The following KLHL8 variants were observed in gnomAD, a reference collection of about 807,000 sequenced individuals.
KLHL8 encodes kelch like family member 8.
In KLHL8, 38 loss-of-function variants were observed where a neutral mutation model predicts 63.5. The ratio of observed to expected loss-of-function variants is 0.60; its 90% CI spans 0.46 to 0.78. The LOEUF (loss-of-function observed/expected upper bound fraction) is 0.78. Among genes scored for constraint, KLHL8 ranks in the 30% least tolerant of loss-of-function variants. KLHL8 has a pLI of 0.00. For missense variants in KLHL8, 566 were observed against 752.4 expected (o/e 0.75, Z 2.90); for synonymous variants, 224 against 254.3 (o/e 0.88, Z 1.13).
chr4:87,176,810 C>T lies in KLHL8; in HGVS notation c.1155G>A (p.Met385Ile). ...DGNEHLGSME[M>I]FDPLTNKWMM... ...TCCATTTATTAGTGAGAGGATCAAA[C>T]ATCTCCATACTCCCTAAATGTTCAT... The change falls in exon 6 of 10, where the codon ATG becomes ATA. Residue 385 changes from methionine to isoleucine, a missense_variant. By Grantham distance (10) the Met-to-Ile change is conservative. Coordinates refer to ENST00000273963, the MANE Select transcript of KLHL8 (RefSeq NM_020803.5). The T allele has an allele frequency of 1.9e-6, 3 of 1,609,210 alleles. No homozygotes were observed. The Admixed American group carries it at 5.1e-5, about 27-fold the overall frequency.
At chr4:87,211,992 C>A (rs1421900817) in intron 1 of KLHL8, among the ~76,000 whole-genome samples, 1 of 152,092 alleles carries the variant, frequency 6.6e-6, no homozygotes, top group Non-Finnish European at 1.5e-5. Flanking sequence ...AGTACAGCAA[C>A]ACTGTCTGCT....
At chr4:87,194,546 T>C (rs906234877) in intron 2 of KLHL8, among the ~76,000 whole-genome samples, 15 of 152,184 alleles carry the variant, frequency 9.9e-5, no homozygotes, top group Middle Eastern at 3.2e-3. Flanking sequence ...CGGTGGTGCA[T>C]GCATCTAGTC....
chr4:87,195,417 G>A lies in KLHL8; in HGVS notation c.123C>T (p.Ser41=). The change falls in exon 2 of 10, where the codon TCC becomes TCT. Residue 41 remains serine, a synonymous_variant. Coordinates refer to ENST00000273963, the MANE Select transcript of KLHL8 (RefSeq NM_020803.5). ...AAGCTTCATTTGCTTCAAAAATAAA[G>A]GAATCTTCTCCATCACCATCACTAA... The part of the protein sequence containing the change: ...SSISDGDGED[S]FIFEANEAWK... 6.2e-7 allele frequency: 1 copy of A among 1,613,832 alleles called. No individual in the cohort carries two copies. The highest frequency in any genetic ancestry group is 8.5e-7 in the Non-Finnish European group (1 of 1,179,898).
intron 1 of KLHL8, among the ~76,000 whole-genome samples, chr4:87,200,583 G>A (rs1438712084): frequency 1.3e-5 from 2 of 152,204 alleles, no homozygotes; most frequent in Admixed American, 1.3e-4. Context: ...TCAGGGAGAT[G>A]TAGATCAAAA....
At chr4:87,210,665 G>A (rs1732370019) in intron 1 of KLHL8, among the ~76,000 whole-genome samples, 1 of 151,966 alleles carries the variant, frequency 6.6e-6, no homozygotes, top group African/African-American at 2.4e-5. Context: ...TAACAAAATG[G>A]CAAACCCCAC....
chr4:87,209,979 G>C (rs1434171771), intron 1 of KLHL8, among the ~76,000 whole-genome samples: 2 of 150,656 alleles, frequency 1.3e-5, no homozygotes, highest in East Asian at 3.9e-4. Context: ...TCAGCCTTCT[G>C]AGTAGCTGGG....
chr4:87,168,198 C>A (rs1038975926), intron 8 of KLHL8, among the ~76,000 whole-genome samples: 2 of 152,080 alleles, frequency 1.3e-5, no homozygotes, highest in Non-Finnish European at 2.9e-5. Flanking sequence ...CCCCTTTTCC[C>A]AGCCTGGCAG....
intron 1 of KLHL8, among the ~76,000 whole-genome samples, chr4:87,214,460 A>ATATATATATATATATATATATATAT (rs1732523462): frequency 1.6e-5 from 2 of 126,048 alleles, no homozygotes; most frequent in Non-Finnish European, 3.3e-5. Context: ...ATATATATAT[A>ATATATATATATATATATATATATAT]ATTGTCATCA....
chr4:87,239,076 C>T (rs1733284129), intron 1 of KLHL8, among the ~76,000 whole-genome samples: 1 of 152,154 alleles, frequency 6.6e-6, no homozygotes, highest in African/African-American at 2.4e-5. Context: ...GTCTTCAATA[C>T]AATATATACC....
At chr4:87,225,819 T>C (rs6846760) in intron 1 of KLHL8, among the ~76,000 whole-genome samples, 17,810 of 152,220 alleles carry the variant, frequency 0.12, 1,913 homozygotes, top group African/African-American at 0.27. Context: ...AAATTACTAG[T>C]GCTGGTGACT....
At chr4:87,177,579 T>TA (rs1375437635) in intron 5 of KLHL8, among the ~76,000 whole-genome samples, 1 of 151,630 alleles carries the variant, frequency 6.6e-6, no homozygotes, top group Admixed American at 6.6e-5. Context: ...CACACACACT[T>TA]ACACACATAC....
intron 1 of KLHL8, 157 bp downstream of exon 1, chr4:87,220,261 T>C (rs1732780390): frequency 6.6e-6 from 1 of 152,388 alleles, no homozygotes; most frequent in Non-Finnish European, 1.5e-5. Flanking sequence ...GCACGAGGGC[T>C]CGAATTTCCT....
At chr4:87,206,068 C>T (rs1017581638) in intron 1 of KLHL8, among the ~76,000 whole-genome samples, 1 of 152,220 alleles carries the variant, frequency 6.6e-6, no homozygotes, top group Non-Finnish European at 1.5e-5. Context: ...TACTTCAAAA[C>T]ATGAGCCATA....
rs115666221 is a variant in KLHL8, at chr4:87,231,970, T to A, written n.57+8288A>T. Among the ~76,000 whole-genome samples the A allele has an allele frequency of 6.1e-3, 934 of 152,324 alleles. 14 individuals carry two copies. Among genetic ancestry groups the A allele is most frequent in the African/African-American group, 0.021 (885 of 41,586 alleles). On this transcript the variant is annotated intron_variant and non_coding_transcript_variant, in intron 1 of 1. Transcript: ENST00000506274. Reference sequence around the variant, plus strand: ...TGCTTTATTTCTATAACCATGAATCTAACATAAACATACCACATTCTATTG... The same window carrying A: ...TGCTTTATTTCTATAACCATGAATCAAACATAAACATACCACATTCTATTG...
chr4:87,229,855 C>G (rs1203317986), intron 1 of KLHL8, among the ~76,000 whole-genome samples: 1 of 152,118 alleles, frequency 6.6e-6, no homozygotes, highest in Non-Finnish European at 1.5e-5. Flanking sequence ...CTCAGCCTCC[C>G]AAGTAGCTGG....
At chr4:87,166,081 A>G (rs1221084372) in intron 8 of KLHL8, among the ~76,000 whole-genome samples, 1 of 152,250 alleles carries the variant, frequency 6.6e-6, no homozygotes. Context: ...GATGTAACAT[A>G]AGAACTTTGG....
chr4:87,170,692 T>C, intron 6 of KLHL8, 77 bp from the exon 7 acceptor site: 1 of 1,238,268 alleles, frequency 8.1e-7, no homozygotes, highest in South Asian at 1.4e-5. Context: ...ATTGTGCTAA[T>C]GCAAATCATT....
At chr4:87,172,308 C>T (rs950877037) in intron 6 of KLHL8, among the ~76,000 whole-genome samples, 1 of 152,086 alleles carries the variant, frequency 6.6e-6, no homozygotes, top group African/African-American at 2.4e-5. Context: ...CTATCAATAA[C>T]CTAAATGGCC....
intron 1 of KLHL8, among the ~76,000 whole-genome samples, chr4:87,205,472 T>C (rs747095152): frequency 6.6e-6 from 1 of 152,142 alleles, no homozygotes; most frequent in Non-Finnish European, 1.5e-5. Context: ...TAGAAAACAC[T>C]ATCTGCCGTC....
Sources: allele counts gnomAD v4.1 joint callset (sites outside exome capture counted in the v4.1 genomes callset), GRCh38; gene constraint gnomAD v4.1.1; transcripts MANE v1.5; gene names NCBI Gene and HGNC (gene_info 2026-07-23, HGNC 2026-07-21).